DMD: variants seen among roughly 807,000 people sequenced by gnomAD.
DMD encodes mutant dystrophin.
In DMD, 63 loss-of-function variants were observed where a neutral mutation model predicts 330.1. The observed-to-expected ratio is 0.19, with a 90% confidence interval of 0.16 to 0.24. DMD has a LOEUF of 0.24. Ranked by LOEUF, DMD falls within the 10% of genes least tolerant of loss-of-function variation. The pLI, the probability that DMD is intolerant of heterozygous loss-of-function variation, is 1.00. For synonymous variants in DMD, 1,223 were observed against 959.8 expected (o/e 1.27, Z -5.07); for missense variants, 3,344 against 2,684.1 (o/e 1.25, Z -5.43).
chrX:32,810,758 T>A (rs773114368), intron 6 of DMD, among the ~76,000 whole-genome samples: 1 of 111,578 alleles, frequency 9.0e-6, no homozygotes, highest in Admixed American at 9.6e-5. Context: ...TGTTAACATG[T>A]TTCATCATAT....
intron 55 of DMD, among the ~76,000 whole-genome samples, chrX:31,585,722 T>TAGGAGG (rs1276502136): frequency 1.8e-5 from 2 of 111,217 alleles, no homozygotes; most frequent in African/African-American, 3.3e-5. Flanking sequence ...TTGTTTTTGC[T>TAGGAGG]TTTTAATGGT....
intron 4 of DMD, among the ~76,000 whole-genome samples, chrX:32,824,501 G>A (rs2078530927): frequency 8.9e-6 from 1 of 111,877 alleles, no homozygotes; most frequent in Non-Finnish European, 1.9e-5. Flanking sequence ...CATTCTGAAA[G>A]GGTAGCATAC....
intron 44 of DMD, among the ~76,000 whole-genome samples, chrX:32,076,052 C>CAAAAAAA (rs59686294): frequency 1.6e-4 from 3 of 18,758 alleles, no homozygotes; most frequent in Non-Finnish European, 2.9e-4. Context: ...GACTCTGTCT[C>CAAAAAAA]AAAAAAAAAA....
intron 1 of DMD, among the ~76,000 whole-genome samples, chrX:33,198,800 G>C (rs138522346): frequency 0.01 from 1,118 of 110,871 alleles, 13 homozygotes; most frequent in African/African-American, 0.034. Flanking sequence ...GTTATGAACA[G>C]ATGTTACGTG....
intron 1 of DMD, among the ~76,000 whole-genome samples, chrX:33,297,969 A>AG (rs1318502642): frequency 9.0e-6 from 1 of 111,113 alleles, no homozygotes; most frequent in Non-Finnish European, 1.9e-5. Flanking sequence ...CACAAAAAAA[A>AG]GAGACTACTA....
At chrX:33,059,318 A>T (rs1430432115) in intron 1 of DMD, among the ~76,000 whole-genome samples, 1 of 110,917 alleles carries the variant, frequency 9.0e-6, no homozygotes, top group East Asian at 2.8e-4. Context: ...AGAGACTCTC[A>T]TATTATTGTG....
chrX:33,075,842 G>T (rs2094832126), intron 1 of DMD, among the ~76,000 whole-genome samples: 1 of 111,447 alleles, frequency 9.0e-6, no homozygotes, highest in South Asian at 3.8e-4. Flanking sequence ...ATAGCTTATG[G>T]TTTAAAACAA....
chrX:31,878,692 A>C lies in DMD; in HGVS notation c.6913-3319T>G, dbSNP rs78630506. 1.7e-4 allele frequency among the ~76,000 whole-genome samples: 19 copies of C among 112,646 alleles called. No individual in the cohort carries two copies. In the East Asian group the frequency reaches 5.3e-3, roughly 32 times the overall value. On this transcript the variant is annotated intron_variant, in intron 47 of 78. Coordinates refer to ENST00000357033, the MANE Select transcript of DMD (RefSeq NM_004006.3). ...GTAATAAGAAAAAGGCCAACAACCC[A>C]AAAGAAAATTGGACAAAAGATAAGG...
chrX:31,411,046 G>A (rs1012404611), intron 60 of DMD, among the ~76,000 whole-genome samples: 2 of 109,242 alleles, frequency 1.8e-5, no homozygotes, highest in African/African-American at 6.7e-5. Flanking sequence ...GATTACAGGC[G>A]TGAGCCACTG....
chrX:31,589,849 C>T (rs2076788665), intron 55 of DMD, among the ~76,000 whole-genome samples: 1 of 111,209 alleles, frequency 9.0e-6, no homozygotes, highest in Non-Finnish European at 1.9e-5. Context: ...CTGACGTGAC[C>T]ATTACACAAT....
At chrX:33,004,568 C>G (rs1236538746) in intron 2 of DMD, among the ~76,000 whole-genome samples, 1 of 110,802 alleles carries the variant, frequency 9.0e-6, no homozygotes. Context: ...TTATGTTTCC[C>G]TATCCCTTCA....
intron 55 of DMD, among the ~76,000 whole-genome samples, chrX:31,569,004 G>A (rs755245438): frequency 1.4e-4 from 16 of 111,364 alleles, no homozygotes; most frequent in Non-Finnish European, 2.8e-4. Flanking sequence ...TTCAGGTGAC[G>A]TGTAGAAGGA....
intron 2 of DMD, among the ~76,000 whole-genome samples, chrX:32,852,220 C>A (rs1024777623): frequency 9.0e-6 from 1 of 111,559 alleles, no homozygotes; most frequent in East Asian, 2.8e-4. Flanking sequence ...GATAAGGCAT[C>A]AGGCAGAGTC....
chrX:31,179,203 A>G (rs1265480140), intron 69 of DMD, among the ~76,000 whole-genome samples: 3 of 112,690 alleles, frequency 2.7e-5, no homozygotes, highest in African/African-American at 9.7e-5. Flanking sequence ...AGCATGCTTC[A>G]CCCACTAAAT....
intron 55 of DMD, among the ~76,000 whole-genome samples, chrX:31,541,505 C>A (rs1786063177): frequency 1.2e-5 from 1 of 85,703 alleles, no homozygotes; most frequent in Admixed American, 1.4e-4. Flanking sequence ...CACCCCACGA[C>A]AGGCCCTGGT....
chrX:31,444,696 C>T (rs1205996407), intron 59 of DMD, 69 bp from the exon 60 acceptor site: 2 of 1,114,896 alleles, frequency 1.8e-6, no homozygotes, highest in Non-Finnish European at 2.5e-6. Flanking sequence ...GATACCTGGG[C>T]TTATTCTCTT....
chrX:32,829,184 T>C (rs1365511854), intron 4 of DMD, among the ~76,000 whole-genome samples: 1 of 111,750 alleles, frequency 8.9e-6, no homozygotes, highest in African/African-American at 3.2e-5. Context: ...GTGGAGTTTT[T>C]TTCTTTTCAT....
At chrX:33,330,302 A>G (rs983229380) in intron 1 of DMD, among the ~76,000 whole-genome samples, 10 of 111,314 alleles carry the variant, frequency 9.0e-5, no homozygotes, top group African/African-American at 3.3e-4. Flanking sequence ...GAAGATGTTG[A>G]AATTGGATAA....
chrX:32,809,066 T>C (rs1426341483), intron 7 of DMD, among the ~76,000 whole-genome samples: 1 of 112,398 alleles, frequency 8.9e-6, no homozygotes, highest in Admixed American at 9.4e-5. Flanking sequence ...ATAGATTTCC[T>C]GATTTAAATA....
Sources: allele counts gnomAD v4.1 joint callset (sites outside exome capture counted in the v4.1 genomes callset), GRCh38; gene constraint gnomAD v4.1.1; transcripts MANE v1.5; gene names NCBI Gene and HGNC (gene_info 2026-07-23, HGNC 2026-07-21).